Variants in TNNT2 observed in about 807,000 individuals in gnomAD.
TNNT2 encodes the protein troponin T2, cardiac type.
In TNNT2, 34 loss-of-function variants were observed where a neutral mutation model predicts 62.4. The ratio of observed to expected loss-of-function variants is 0.54; its 90% CI spans 0.41 to 0.72. The LOEUF is 0.72. Ranked by LOEUF, TNNT2 falls within the 30% of genes least tolerant of loss-of-function variation. TNNT2 has a pLI of 0.00. For synonymous variants in TNNT2, 123 were observed against 127.2 expected (o/e 0.97, Z 0.22); for missense variants, 275 against 381.9 (o/e 0.72, Z 2.33).
chr1:201,366,070 G>A (rs777284951), intron 8 of TNNT2: 38 of 1,147,654 alleles, frequency 3.3e-5, no homozygotes, highest in African/African-American at 4.8e-5. Context: ...CCATGAACCT[G>A]GGAGTCTTGC....
intron 12 of TNNT2, 159 bp downstream of exon 12, chr1:201,363,137 C>A (rs1659008221): frequency 1.0e-6 from 1 of 985,408 alleles, no homozygotes; most frequent in South Asian, 4.7e-5. Flanking sequence ...AGGCTGAAAA[C>A]CAGCTCAGGG....
chr1:201,362,179 TC>T (rs1324867433), intron 13 of TNNT2, 157 bp from the exon 14 acceptor site: 2 of 1,173,540 alleles, frequency 1.7e-6, no homozygotes, highest in Admixed American at 1.9e-5. Context: ...CTACATGTAT[TC>T]CCTAGGGAAA....
At chr1:201,361,240 G>C in intron 15 of TNNT2, 39 bp downstream of exon 15, 1 of 1,592,510 alleles carries the variant, frequency 6.3e-7, no homozygotes, top group South Asian at 1.1e-5. Flanking sequence ...GGAGGAGTGT[G>C]AGATGGAGAT....
At chr1:201,370,776 C>G (rs1660499076) in intron 4 of TNNT2, among the ~76,000 whole-genome samples, 2 of 152,216 alleles carry the variant, frequency 1.3e-5, no homozygotes, top group African/African-American at 4.8e-5. Context: ...GTCCCAAATC[C>G]AGAGATCTAT....
chr1:201,373,344 T>A, intron 1 of TNNT2, 76 bp from the exon 2 acceptor site: 1 of 1,325,812 alleles, frequency 7.5e-7, no homozygotes, highest in Non-Finnish European at 1.1e-6. Flanking sequence ...GCCCCCGTTG[T>A]ACAGAGATCA....
intron 14 of TNNT2, 121 bp from the exon 15 acceptor site, chr1:201,361,490 G>A (rs1032073570): frequency 1.7e-4 from 166 of 976,860 alleles, no homozygotes; most frequent in Non-Finnish European, 2.2e-4. Flanking sequence ...GGCCTGCCAA[G>A]GGTACCCCAG....
In TNNT2 at chr1:201,361,955, C is replaced by T. The variant is rs1205564576; in HGVS notation, c.677G>A (p.Arg226Lys). ...EKKKKILAER[R>K]KVLAIDHLNE... ...CAGGTGGTCAATGGCCAGCACCTTC[C>T]TCCTCTCAGCCAGAATCTTCTTCTT... The change falls in exon 14 of 17, where the codon AGG becomes AAG. Residue 226 changes from arginine (R) to lysine (K), a missense_variant. Arg to Lys is a conservative substitution (Grantham distance 26, BLOSUM62 2). Coordinates refer to ENST00000656932, the MANE Select transcript of TNNT2 (RefSeq NM_001276345.2). The T allele has an allele frequency of 5.0e-6, 8 of 1,614,130 alleles. No homozygotes were observed. Among genetic ancestry groups the T allele is most frequent in the African/African-American group, 4.0e-5 (3 of 74,950 alleles).
chr1:201,366,699 T>C (rs1277832767), intron 8 of TNNT2, 139 bp downstream of exon 8: 5 of 1,587,518 alleles, frequency 3.1e-6, no homozygotes, highest in South Asian at 1.1e-5. Context: ...AGTACACAAC[T>C]TGTACAACTG....
In TNNT2 at chr1:201,366,612, C is replaced by T. The variant is rs1659708530; in HGVS notation, c.233+226G>A. 5 of 1,440,374 alleles carry T rather than the reference C, an allele frequency of 3.5e-6. No homozygotes were observed. The South Asian group carries it at 7.0e-5, about 20-fold the overall frequency. 89.2% of individuals were successfully genotyped at this position (1,440,374 alleles called of 1,614,324 possible). On this transcript the variant is annotated intron_variant, in intron 8 of 16. Coordinates refer to ENST00000656932, the MANE Select transcript of TNNT2 (RefSeq NM_001276345.2). ...CTAGAAGAACATAGCCCCATCCCTG[C>T]TAGGGTGCACGATTGGTGATGGAGT...
chr1:201,369,775 G>A, intron 5 of TNNT2, 41 bp downstream of exon 5: 2 of 1,613,640 alleles, frequency 1.2e-6, no homozygotes, highest in Non-Finnish European at 1.7e-6. Flanking sequence ...ACTTGGGACA[G>A]CAGGCAGCAG....
At chr1:201,364,054 T>G in intron 11 of TNNT2, 7 of 497,426 alleles carry the variant, frequency 1.4e-5, no homozygotes, top group East Asian at 7.6e-5. Context: ...GCCTGGCTAA[T>G]TTTGTATTTT....
rs1235400361 is a variant in TNNT2, at chr1:201,364,275, G to A, written c.489+23C>T. On this transcript the variant is annotated intron_variant, in intron 11 of 16. Coordinates refer to ENST00000656932, the MANE Select transcript of TNNT2 (RefSeq NM_001276345.2). ...GCTGGGAGCATGGGGGGCCTCCATG[G>A]GCCTGGGCTAGGGGTCACTCACAGC... 6 of 1,607,896 alleles carry A rather than the reference G, an allele frequency of 3.7e-6. No individual in the cohort carries two copies. In the Admixed American group the frequency reaches 1.0e-4, roughly 27 times the overall value.
chr1:201,371,640 G>A (rs1371476086), intron 4 of TNNT2, among the ~76,000 whole-genome samples: 1 of 152,090 alleles, frequency 6.6e-6, no homozygotes, highest in Non-Finnish European at 1.5e-5. Flanking sequence ...GGAGTATAGA[G>A]GAAAGAAGAC....
intron 12 of TNNT2, 85 bp from the exon 13 acceptor site, chr1:201,362,479 G>C (rs1175304226): frequency 6.6e-7 from 1 of 1,516,552 alleles, no homozygotes; most frequent in Non-Finnish European, 9.1e-7. Flanking sequence ...GGAAGACAAA[G>C]GCAAGGAGAG....
At chr1:201,373,987 C>G (rs3020556) in intron 1 of TNNT2, 42,565 of 154,556 alleles carry the variant, frequency 0.28, 6,818 homozygotes, top group African/African-American at 0.45. Flanking sequence ...AAGCACACAG[C>G]GGGGATCCTT....
In TNNT2 at chr1:201,361,364, T is replaced by C; in HGVS notation, c.725A>G (p.Lys242Arg). ...GATGCTCTGCCACAGCTCCTTGGCC[T>C]TCTCCCTGCACGGGCAAGGGTGAGA... ...DHLNEDQLRE[K>R]AKELWQSIYN... The change falls in exon 15 of 17, where the codon AAG becomes AGG. Residue 242 changes from lysine (K) to arginine (R), a missense_variant. Lys to Arg is a conservative substitution (Grantham distance 26). Transcript: ENST00000656932. 6.2e-7 allele frequency: 1 copy of C among 1,614,024 alleles called. No homozygotes were observed. The highest frequency in any genetic ancestry group is 8.5e-7 in the Non-Finnish European group (1 of 1,179,886).
intron 11 of TNNT2, 33 bp from the exon 12 acceptor site, chr1:201,363,439 A>G (rs1254676508): frequency 1.2e-5 from 20 of 1,601,634 alleles, no homozygotes. Flanking sequence ...AAAGCAAATT[A>G]GGGGAAAGGA....
At chr1:201,361,804 T>A (rs990770640) in intron 14 of TNNT2, 109 bp downstream of exon 14, 1 of 1,063,520 alleles carries the variant, frequency 9.4e-7, no homozygotes, top group Non-Finnish European at 1.5e-6. Flanking sequence ...TGGGAAAATA[T>A]GTGAGGCAGT....
At chr1:201,369,464 G>A (rs1169883153) in intron 5 of TNNT2, 15 of 490,404 alleles carry the variant, frequency 3.1e-5, no homozygotes, top group Non-Finnish European at 4.2e-5. Context: ...ATGGAACACT[G>A]GGGTGTGCGC....
Sources: allele counts gnomAD v4.1 joint callset (sites outside exome capture counted in the v4.1 genomes callset), GRCh38; gene constraint gnomAD v4.1.1; transcripts MANE v1.5; gene names NCBI Gene and HGNC (gene_info 2026-07-23, HGNC 2026-07-21).